PADI6: variants seen among roughly 807,000 people sequenced by gnomAD.
PADI6 encodes the protein peptidyl arginine deiminase 6.
Under a neutral mutation model 78.2 loss-of-function variants are expected in PADI6, and 66 were observed. That is an observed-to-expected ratio of 0.84 (90% confidence interval 0.69 to 1.04). The LOEUF (loss-of-function observed/expected upper bound fraction) is 1.04, where lower values mean the gene tolerates loss of function less well. Among genes scored for constraint, PADI6 ranks in the 50% least tolerant of loss-of-function variants. PADI6 has a pLI of 0.00. For missense variants in PADI6, 854 were observed against 866.1 expected, an observed-to-expected ratio of 0.99 and a Z score of 0.18; for synonymous variants, 397 against 346.9, an observed-to-expected ratio of 1.14 and a Z score of -1.60.
At chr1:17,394,188 TG>T in intron 10 of PADI6, 106 bp downstream of exon 10, 1 of 1,503,390 alleles carries the variant, frequency 6.7e-7, no homozygotes, top group Non-Finnish European at 9.0e-7. Flanking sequence ...AGGTGGCCTC[TG>T]AGGGGGGAGG....
chr1:17,394,751 G>A (rs75181078), intron 11 of PADI6, among the ~76,000 whole-genome samples, 200 bp from the exon 12 acceptor site: 1 of 152,304 alleles, frequency 6.6e-6, no homozygotes, highest in Non-Finnish European at 1.5e-5. Context: ...TTGTGCCCGG[G>A]CTTGTCTGTC....
chr1:17,375,746 C>T (rs979795686), intron 3 of PADI6, among the ~76,000 whole-genome samples: 1 of 152,188 alleles, frequency 6.6e-6, no homozygotes, highest in African/African-American at 2.4e-5. Flanking sequence ...TAGAAACAGC[C>T]AGAACTTCCG....
At chr1:17,377,960 C>T (rs1445631076) in intron 3 of PADI6, among the ~76,000 whole-genome samples, 1 of 152,230 alleles carries the variant, frequency 6.6e-6, no homozygotes, top group Non-Finnish European at 1.5e-5. Flanking sequence ...AGTAACCCTG[C>T]ACTGCCTCTG....
intron 3 of PADI6, among the ~76,000 whole-genome samples, chr1:17,379,535 G>A (rs2075052220): frequency 6.6e-6 from 1 of 152,188 alleles, no homozygotes; most frequent in African/African-American, 2.4e-5. Context: ...GATTATAGGA[G>A]TGAGCCACTG....
rs1345968014 is a variant in PADI6 at position 17,391,193 on chromosome 1, CTGTT to C, written c.963-916_963-913del. Among the ~76,000 whole-genome samples the C allele has an allele frequency of 4.4e-5, 6 of 137,498 alleles. 1 individual carries two copies. The highest frequency in any genetic ancestry group is 4.4e-4 in the Admixed American group (6 of 13,766). 90.2% of individuals were successfully genotyped at this position (137,498 alleles called of 152,430 possible). Reference sequence around the variant, plus strand: ...TTGCTGACCTCCAACTTTTGAGGACCTGTTTGTTCCGTTTGTTTAAGATAATTTA... The same window carrying C: ...TTGCTGACCTCCAACTTTTGAGGACCTGTTCCGTTTGTTTAAGATAATTTA... On this transcript the variant is annotated intron_variant, in intron 8 of 15. Coordinates refer to ENST00000619609, the MANE Select transcript of PADI6 (RefSeq NM_207421.4).
At chr1:17,385,263 G>A (rs186768571) in intron 6 of PADI6, among the ~76,000 whole-genome samples, 2 of 152,288 alleles carry the variant, frequency 1.3e-5, no homozygotes, top group Admixed American at 1.3e-4. Flanking sequence ...TGGTGTGATG[G>A]TTTTCTCCAG....
chr1:17,383,974 C>T (rs1309592332), intron 6 of PADI6, among the ~76,000 whole-genome samples: 1 of 151,642 alleles, frequency 6.6e-6, no homozygotes, highest in Non-Finnish European at 1.5e-5. Flanking sequence ...CATGGCAAAA[C>T]CACATCTCTA....
Position 17,395,038 on chromosome 1 carries a change from G to T in PADI6, c.1425G>T (p.Trp475Cys). The change falls in exon 12 of 16, where the codon TGG (tryptophan) becomes TGT (cysteine). Residue 475 changes from tryptophan to cysteine, a missense_variant. Physicochemically the swap from Trp to Cys is radical, Grantham distance 215. Coordinates refer to ENST00000619609, the MANE Select transcript of PADI6 (RefSeq NM_207421.4). ...VQAPVELYSD[W>C]LMTGHVDEFM... ...CGCCGGTGGAGCTCTACTCAGATTG[G>T]CTAATGACTGGCCACGTGGATGAGT... is the stretch of plus-strand genomic sequence containing the variant. 3.1e-6 allele frequency: 5 copies of T among 1,613,894 alleles called. No individual in the cohort carries two copies. Among genetic ancestry groups the T allele is most frequent in the African/African-American group, 1.3e-5 (1 of 74,990 alleles).
At chr1:17,390,401 A>G (rs916149670) in intron 8 of PADI6, among the ~76,000 whole-genome samples, 2 of 151,914 alleles carry the variant, frequency 1.3e-5, no homozygotes, top group Non-Finnish European at 2.9e-5. Context: ...GGAGTTCAAG[A>G]CCAGCCTGGC....
chr1:17,383,229 C>T (rs2075089549), intron 6 of PADI6, among the ~76,000 whole-genome samples: 1 of 152,232 alleles, frequency 6.6e-6, no homozygotes, highest in Admixed American at 6.5e-5. Flanking sequence ...CTGGTCTACA[C>T]TCTGGGGCCT....
chr1:17,394,199 G>T, intron 10 of PADI6, 101 bp from the exon 11 acceptor site: 2 of 1,553,334 alleles, frequency 1.3e-6, no homozygotes, highest in South Asian at 1.1e-5. Context: ...GAGGGGGGAG[G>T]GGACGTGGAA....
chr1:17,373,264 C>T (rs1445711046), intron 2 of PADI6, 31 bp downstream of exon 2: 1 of 1,608,276 alleles, frequency 6.2e-7, no homozygotes, highest in Non-Finnish European at 8.5e-7. Flanking sequence ...TGAGGGGCAT[C>T]TCCCGGGGTG....
chr1:17,394,368 G>A lies in PADI6; in HGVS notation c.1251G>A (p.Gly417=). ...AAGTGGCCAGCATGGATTCCATTGGGAACCTGATGGTGTCCCCACCTGTCA... is the reference window on the plus strand; with the variant it reads ...AAGTGGCCAGCATGGATTCCATTGGAAACCTGATGGTGTCCCCACCTGTCA... ...DHKVASMDSI[G]NLMVSPPVKV... The change falls in exon 11 of 16, where the codon GGG becomes GGA. Residue 417 remains glycine, a synonymous_variant. Transcript: ENST00000619609. 1 of 1,613,798 alleles carries A rather than the reference G, an allele frequency of 6.2e-7. No homozygotes were observed. The highest frequency in any genetic ancestry group is 8.5e-7 in the Non-Finnish European group (1 of 1,179,828).
At chr1:17,377,868 A>C (rs1436249042) in intron 3 of PADI6, among the ~76,000 whole-genome samples, 1 of 152,164 alleles carries the variant, frequency 6.6e-6, no homozygotes, top group East Asian at 1.9e-4. Context: ...TACATCTTTA[A>C]GTGGAATATT....
intron 9 of PADI6, 109 bp from the exon 10 acceptor site, chr1:17,393,866 T>C (rs2075217030): frequency 1.1e-6 from 1 of 904,176 alleles, no homozygotes; most frequent in South Asian, 1.4e-5. Context: ...GTGTTGAGGG[T>C]TGAGCAGGAG....
rs1371356138 is a variant in PADI6, at chr1:17,395,538, A to G, written c.1495-2A>G. The G allele has an allele frequency of 1.3e-6, 2 of 1,551,858 alleles. No individual in the cohort carries two copies. The highest frequency in any genetic ancestry group is 3.9e-5 in the Admixed American group (2 of 51,088). ...GCTTCTGACCCAAGTTCTGTTTCCCAGGGCTTCCTGCTGCTCCTGGCCAGC... is the reference window on the plus strand; with the variant it reads ...GCTTCTGACCCAAGTTCTGTTTCCCGGGGCTTCCTGCTGCTCCTGGCCAGC... On this transcript the variant is annotated splice_acceptor_variant, in intron 12 of 15. Coordinates refer to ENST00000619609, the MANE Select transcript of PADI6 (RefSeq NM_207421.4). LOFTEE classifies it high-confidence loss of function.
intron 5 of PADI6, 112 bp downstream of exon 5, chr1:17,381,276 C>T (rs2075070592): frequency 1.2e-6 from 1 of 844,454 alleles, no homozygotes; most frequent in Non-Finnish European, 1.9e-6. Flanking sequence ...ACCCTCTTCC[C>T]CAGTCCCCAT....
intron 6 of PADI6, 39 bp downstream of exon 6, chr1:17,382,131 C>A: frequency 6.2e-7 from 1 of 1,606,548 alleles, no homozygotes; most frequent in Non-Finnish European, 8.5e-7. Context: ...TGCCTGCTCT[C>A]GACGTGCCAG....
At chr1:17,380,817 A>G (rs567353563) in intron 4 of PADI6, among the ~76,000 whole-genome samples, 85 of 152,170 alleles carry the variant, frequency 5.6e-4, no homozygotes, top group African/African-American at 1.9e-3. Flanking sequence ...ACTCTGAAAT[A>G]TGAGGTAAGT....
Sources: allele counts gnomAD v4.1 joint callset (sites outside exome capture counted in the v4.1 genomes callset), GRCh38; gene constraint gnomAD v4.1.1; transcripts MANE v1.5; gene names NCBI Gene and HGNC (gene_info 2026-07-23, HGNC 2026-07-21).